TECPR2: variants seen among roughly 807,000 people sequenced by gnomAD.
TECPR2 encodes tectonin beta-propeller repeat containing 2.
TECPR2 carries 65 observed loss-of-function variants against 138.1 expected under a neutral mutation model. The observed-to-expected ratio is 0.47, with a 90% CI of 0.39 to 0.58. TECPR2 has a LOEUF of 0.58. Ranked by LOEUF, TECPR2 falls within the 20% of genes least tolerant of loss-of-function variation. The pLI is 0.00. For missense variants in TECPR2, 1,553 were observed against 1,824.5 expected (o/e 0.85, Z 2.71); for synonymous variants, 746 against 749.8 (o/e 0.99, Z 0.08).
chr14:102,479,508 G>C (rs1890837991), intron 17 of TECPR2, among the ~76,000 whole-genome samples: 1 of 152,186 alleles, frequency 6.6e-6, no homozygotes, highest in Non-Finnish European at 1.5e-5. Context: ...GGGGGCTGTT[G>C]GAGGCTCTTG....
At chr14:102,432,367 C>T (rs1889523524) in intron 8 of TECPR2, among the ~76,000 whole-genome samples, 1 of 151,424 alleles carries the variant, frequency 6.6e-6, no homozygotes, top group Non-Finnish European at 1.5e-5. Context: ...TACTCACCAC[C>T]CTGCTTAAAG....
intron 1 of TECPR2, among the ~76,000 whole-genome samples, chr14:102,369,481 C>T (rs910944599): frequency 5.3e-5 from 8 of 152,080 alleles, no homozygotes; most frequent in African/African-American, 1.7e-4. Context: ...CTCGAACTCC[C>T]GGGCTCAATG....
At chr14:102,493,964 C>T (rs974707754) in intron 17 of TECPR2, among the ~76,000 whole-genome samples, 6 of 152,232 alleles carry the variant, frequency 3.9e-5, no homozygotes, top group African/African-American at 7.2e-5. Flanking sequence ...CTGTGTCCTC[C>T]GGGCATCAAC....
intron 17 of TECPR2, among the ~76,000 whole-genome samples, chr14:102,482,047 G>GT (rs141036292): frequency 0.29 from 44,046 of 150,830 alleles, 7,137 homozygotes; most frequent in Non-Finnish European, 0.36. Context: ...TGCTCATCTA[G>GT]TTTTTTTTCT....
rs1889612040 is a variant in TECPR2, at chr14:102,434,779, C to T, written c.1962C>T (p.Leu654=). The T allele has an allele frequency of 6.2e-7, 1 of 1,613,282 alleles. No homozygotes were observed. The change falls in exon 9 of 20, where the codon CTC becomes CTT. Residue 654 remains leucine (L), a synonymous_variant. Transcript: ENST00000359520. The stretch of plus-strand genomic sequence containing the variant: ...ACTCACTCACTGTGCCTTCCAGCCT[C>T]AGCTGGGCCCCAAGTGCTGAACAGT... ...LLNSLTVPSS[L]SWAPSAEQWL...
intron 13 of TECPR2, among the ~76,000 whole-genome samples, chr14:102,447,544 C>CT (rs1567346044): frequency 6.6e-6 from 1 of 151,914 alleles, no homozygotes; most frequent in Non-Finnish European, 1.5e-5. Flanking sequence ...TTTGATGTTT[C>CT]TTTTTTTTGA....
intron 2 of TECPR2, among the ~76,000 whole-genome samples, chr14:102,380,811 T>C (rs1409582205): frequency 6.6e-6 from 1 of 152,174 alleles, no homozygotes; most frequent in Non-Finnish European, 1.5e-5. Context: ...CCCAAGTAGC[T>C]GGGACTACAG....
chr14:102,499,167 G>A lies in TECPR2; in HGVS notation c.*910G>A, dbSNP rs1946798017. 1.4e-6 allele frequency: 1 copy of A among 702,942 alleles called. No individual in the cohort carries two copies. Among genetic ancestry groups the A allele is most frequent in the Admixed American group, 2.0e-5 (1 of 49,990 alleles). 43.5% of individuals were successfully genotyped at this position (702,942 alleles called of 1,614,324 possible). A position where few individuals can be genotyped will look rare whatever the true frequency, so the allele number is the denominator to read the frequency against. On this transcript the variant is annotated 3_prime_UTR_variant, in exon 20 of 20. Transcript: ENST00000359520. ...CTGGATGTGTGCACGTGTGTCCCAG[G>A]TAGGGACGGCACAGGAGGGTGCATG...
intron 4 of TECPR2, among the ~76,000 whole-genome samples, chr14:102,414,146 T>A (rs531707087): frequency 1.9e-4 from 29 of 152,322 alleles, no homozygotes; most frequent in Non-Finnish European, 8.8e-5. Flanking sequence ...CTTTGAACCC[T>A]TTGTGAGGGG....
At chr14:102,476,827 A>C (rs1403565656) in intron 17 of TECPR2, among the ~76,000 whole-genome samples, 1 of 146,334 alleles carries the variant, frequency 6.8e-6, no homozygotes, top group Non-Finnish European at 1.5e-5. Flanking sequence ...GGCTGAGGCG[A>C]GCAGATTGCC....
At chr14:102,482,132 C>T (rs1481277429) in intron 17 of TECPR2, among the ~76,000 whole-genome samples, 3 of 152,206 alleles carry the variant, frequency 2.0e-5, no homozygotes, top group African/African-American at 7.2e-5. Context: ...CTGCTCACTG[C>T]AACCTCCAAC....
chr14:102,380,473 G>A (rs1461488103), intron 2 of TECPR2, among the ~76,000 whole-genome samples: 1 of 152,228 alleles, frequency 6.6e-6, no homozygotes, highest in Non-Finnish European at 1.5e-5. Context: ...TTACAGTCAT[G>A]GTGGAAGGCA....
rs375102838 is a variant in TECPR2, at chr14:102,477,691, C to G, written c.3789+12402C>G. On this transcript the variant is annotated intron_variant, in intron 17 of 19. Coordinates refer to ENST00000359520, the MANE Select transcript of TECPR2 (RefSeq NM_014844.5). Reference sequence around the variant, plus strand: ...TCAGCCTCCCAAGTAGCTGGGACTACAGGCGCCCGCCACCATGCCCGGCAA... The same window carrying G: ...TCAGCCTCCCAAGTAGCTGGGACTAGAGGCGCCCGCCACCATGCCCGGCAA... Among the ~76,000 whole-genome samples, 7 of 143,936 alleles carry G rather than the reference C, an allele frequency of 4.9e-5. No individual in the cohort carries two copies. In the East Asian group the frequency reaches 1.5e-3, roughly 32 times the overall value. 94.4% of individuals were successfully genotyped at this position (143,936 alleles called of 152,430 possible). A position where few individuals can be genotyped will look rare whatever the true frequency, so the allele number is the denominator to read the frequency against.
At chr14:102,365,597 G>A (rs1430314205) in intron 1 of TECPR2, among the ~76,000 whole-genome samples, 1 of 152,198 alleles carries the variant, frequency 6.6e-6, no homozygotes, top group Non-Finnish European at 1.5e-5. Flanking sequence ...AGAACATTAG[G>A]CTAAGTGAAA....
rs1330988861 is a variant in TECPR2 at position 102,434,605 on chromosome 14, A to G, written c.1788A>G (p.Gly596=). The change falls in exon 9 of 20, where the codon GGA becomes GGG. Residue 596 remains glycine (G), a synonymous_variant. Coordinates refer to ENST00000359520, the MANE Select transcript of TECPR2 (RefSeq NM_014844.5). The part of the protein sequence containing the change: ...REDVGGSDVT[G]LGDEPCPADD... ...ATGTGGGAGGCAGTGATGTCACGGG[A>G]CTCGGAGATGAGCCGTGTCCTGCAG... The G allele has an allele frequency of 4.5e-6, 7 of 1,572,314 alleles. No homozygotes were observed. The African/African-American group carries it at 9.4e-5, about 21-fold the overall frequency.
chr14:102,426,819 A>C (rs1018928616), intron 6 of TECPR2, among the ~76,000 whole-genome samples: 2 of 152,172 alleles, frequency 1.3e-5, no homozygotes, highest in Non-Finnish European at 2.9e-5. Context: ...AGATCACACC[A>C]CTGCACTCCA....
intron 2 of TECPR2, among the ~76,000 whole-genome samples, chr14:102,381,945 A>G (rs983251033): frequency 1.3e-5 from 2 of 152,332 alleles, no homozygotes; most frequent in South Asian, 4.1e-4. Context: ...GGTATCCTAT[A>G]CATTTGTACA....
chr14:102,465,072 A>C (rs1431095357), intron 16 of TECPR2, 69 bp from the exon 17 acceptor site: 3 of 1,562,074 alleles, frequency 1.9e-6, no homozygotes, highest in Non-Finnish European at 2.6e-6. Context: ...ATCAAAGTTC[A>C]TAGATTAGAT....
At chr14:102,389,603 T>C (rs1198427606) in intron 2 of TECPR2, among the ~76,000 whole-genome samples, 3 of 152,226 alleles carry the variant, frequency 2.0e-5, no homozygotes, top group Non-Finnish European at 4.4e-5. Flanking sequence ...CAGTAAATGA[T>C]GTGGGACAGC....
Sources: allele counts gnomAD v4.1 joint callset (sites outside exome capture counted in the v4.1 genomes callset), GRCh38; gene constraint gnomAD v4.1.1; transcripts MANE v1.5; gene names NCBI Gene and HGNC (gene_info 2026-07-23, HGNC 2026-07-21).